The following CHMP7 variants were observed in gnomAD, a reference collection of about 807,000 sequenced individuals.
The protein encoded by CHMP7 is CHMP family, member 7.
CHMP7 carries 15 observed loss-of-function variants against 53.7 expected under a neutral mutation model. The ratio of observed to expected loss-of-function variants is 0.28; its 90% confidence interval spans 0.19 to 0.43. The LOEUF is 0.43. Ranked by LOEUF, CHMP7 falls within the 20% of genes least tolerant of loss-of-function variation. The probability of loss-of-function intolerance (pLI) is 1.00; values close to 1 mark genes in which losing one functional copy is unlikely to be tolerated. For missense variants in CHMP7, 527 were observed against 569.4 expected (o/e 0.93, Z 0.76); for synonymous variants, 261 against 228.0 (o/e 1.14, Z -1.30).
Position 23,246,760 on chromosome 8 carries a change from C to A in CHMP7, c.65C>A (p.Pro22His), listed in dbSNP as rs760790780. The change falls in exon 2 of 11, where the codon CCC (proline) becomes CAC (histidine). Residue 22 changes from proline to histidine, a missense_variant. Coordinates refer to ENST00000397677, the MANE Select transcript of CHMP7 (RefSeq NM_152272.5). ...GGAGACCCGGCGGGCCTTCTGCCCC[C>A]CGAGTGGGAGGAGGACGAGGAGCGC... ...AGGDPAGLLP[P>H]EWEEDEERMS... The A allele has an allele frequency of 5.8e-6, 9 of 1,557,810 alleles. No homozygotes were observed. Among genetic ancestry groups the A allele is most frequent in the Admixed American group, 3.9e-5 (2 of 51,632 alleles).
chr8:23,247,074 G>T, intron 2 of CHMP7, 80 bp downstream of exon 2: 1 of 1,331,144 alleles, frequency 7.5e-7, no homozygotes, highest in Non-Finnish European at 9.9e-7. Flanking sequence ...CCTGTTCTCT[G>T]CACAGCGCAC....
intron 7 of CHMP7, 119 bp from the exon 8 acceptor site, chr8:23,258,613 T>C: frequency 8.3e-7 from 1 of 1,199,242 alleles, no homozygotes; most frequent in Non-Finnish European, 1.2e-6. Flanking sequence ...GGGTATAGGG[T>C]AAATTGAGCT....
intron 2 of CHMP7, 72 bp downstream of exon 2, chr8:23,247,066 T>A: frequency 3.6e-6 from 5 of 1,392,706 alleles, no homozygotes; most frequent in Non-Finnish European, 4.7e-6. Context: ...GCCCTGGTCC[T>A]GTTCTCTGCA....
chr8:23,248,106 C>T (rs1047957011), intron 2 of CHMP7: 2 of 456,178 alleles, frequency 4.4e-6, no homozygotes, highest in South Asian at 1.5e-5. Flanking sequence ...AGCCACTGCA[C>T]CTGGCCAACG....
chr8:23,255,658 C>T (rs1030848675), intron 4 of CHMP7, among the ~76,000 whole-genome samples: 15 of 152,240 alleles, frequency 9.9e-5, no homozygotes, highest in African/African-American at 2.2e-4. Flanking sequence ...CGCCTGTATG[C>T]GCATCCCTGC....
chr8:23,251,672 T>C (rs540234750), intron 3 of CHMP7, among the ~76,000 whole-genome samples: 27 of 152,340 alleles, frequency 1.8e-4, no homozygotes, highest in Non-Finnish European at 3.1e-4. Context: ...TTGTTTTCTT[T>C]CCATTGCATT....
chr8:23,254,914 C>T (rs1260839688), intron 3 of CHMP7: 2 of 390,904 alleles, frequency 5.1e-6, no homozygotes, highest in South Asian at 2.3e-5. Flanking sequence ...CTCTCGTTCA[C>T]AGCTGTTCTA....
At chr8:23,252,899 C>T (rs1328506713) in intron 3 of CHMP7, among the ~76,000 whole-genome samples, 4 of 152,174 alleles carry the variant, frequency 2.6e-5, no homozygotes, top group African/African-American at 7.2e-5. Flanking sequence ...GCAGTTACTG[C>T]AGTGGTTGCA....
In CHMP7 at chr8:23,256,510, C is replaced by G; in HGVS notation, c.708C>G (p.Asp236Glu). The G allele has an allele frequency of 1.2e-6, 2 of 1,608,880 alleles. No homozygotes were observed. Among genetic ancestry groups the G allele is most frequent in the East Asian group, 4.5e-5 (2 of 44,840 alleles). The change falls in exon 5 of 11, where the codon GAC becomes GAG. Residue 236 changes from aspartate (D) to glutamate (E), a missense_variant. Asp to Glu is a conservative substitution (Grantham distance 45). Transcript: ENST00000397677. ...GPRAKVSPVN[D>E]VDVGVYQLMQ... ...GTGCCAAGGTCTCTCCAGTCAATGA[C>G]GTAGATGTTGGGGTGTACCAGCTGA...
chr8:23,258,580 C>A lies in CHMP7; in HGVS notation c.960+131C>A, dbSNP rs192390662. The stretch of plus-strand genomic sequence containing the variant: ...GTGGCTGGGGTTGCCTTTGCCTTTC[C>A]AGTCAGGAGGTTTGGCCTCGGTGGG... On this transcript the variant is annotated intron_variant, in intron 7 of 10. Transcript: ENST00000397677. 9 of 1,380,508 alleles carry A rather than the reference C, an allele frequency of 6.5e-6. No individual in the cohort carries two copies. In the East Asian group the frequency reaches 2.1e-4, roughly 32 times the overall value. The allele number at this position is 1,380,508 out of a possible 1,614,324, so 85.5% of individuals were successfully genotyped here.
chr8:23,246,692 T>G lies in CHMP7; in HGVS notation c.-4T>G, dbSNP rs901914209. The G allele has an allele frequency of 5.2e-6, 8 of 1,547,240 alleles. No homozygotes were observed. The highest frequency in any genetic ancestry group is 3.9e-5 in the Admixed American group (2 of 50,844). Reference sequence around the variant, plus strand: ...TTCGCAGCCTTGCCGGGGCTGGGGTTCCGATGTGGTCCCCGGAGCGGGAGG... The same window carrying G: ...TTCGCAGCCTTGCCGGGGCTGGGGTGCCGATGTGGTCCCCGGAGCGGGAGG... On this transcript the variant is annotated 5_prime_UTR_variant, in exon 2 of 11. Coordinates refer to ENST00000397677, the MANE Select transcript of CHMP7 (RefSeq NM_152272.5).
rs1585302228 is a variant in CHMP7, at chr8:23,246,972, A to G, written c.277A>G (p.Thr93Ala). Residue 93 changes from threonine (T) to alanine (A), a missense_variant, in exon 2 of 11, where the codon ACG becomes GCG. Transcript: ENST00000397677. Reference sequence around the variant, plus strand: ...GGGGAGCGTCCCGCTGGGGCTGGCCACGGTGCTGCAGGACCTGCTGCGGTG... The same window carrying G: ...GGGGAGCGTCCCGCTGGGGCTGGCCGCGGTGCTGCAGGACCTGCTGCGGTG... The part of the protein sequence containing the change: ...RKGSVPLGLA[T>A]VLQDLLRRGE... 1.3e-6 allele frequency: 2 copies of G among 1,540,776 alleles called. No individual in the cohort carries two copies. The highest frequency in any genetic ancestry group is 2.7e-5 in the African/African-American group (2 of 73,280).
chr8:23,257,071 C>T (rs746541486), intron 5 of CHMP7, among the ~76,000 whole-genome samples: 26 of 148,476 alleles, frequency 1.8e-4, no homozygotes, highest in Non-Finnish European at 3.4e-4. Context: ...GGATTACAGG[C>T]GTGAGCCACC....
chr8:23,258,469 C>T lies in CHMP7; in HGVS notation c.960+20C>T, dbSNP rs1483135411. On this transcript the variant is annotated intron_variant, in intron 7 of 10. Transcript: ENST00000397677. Reference sequence around the variant, plus strand: ...CAGATGGTAGTCACTCCCCTCTACTCCAGCACTTGGCTGGTCTCTCCGTGT... The same window carrying T: ...CAGATGGTAGTCACTCCCCTCTACTTCAGCACTTGGCTGGTCTCTCCGTGT... 6.8e-6 allele frequency: 11 copies of T among 1,613,604 alleles called. No homozygotes were observed. The highest frequency in any genetic ancestry group is 9.3e-6 in the Non-Finnish European group (11 of 1,179,940).
chr8:23,259,933 C>G (rs1359175722), intron 9 of CHMP7: 1 of 553,892 alleles, frequency 1.8e-6, no homozygotes, highest in Non-Finnish European at 3.2e-6. Flanking sequence ...ATGGTGTTAA[C>G]AGAATACACC....
At chr8:23,243,998 T>C (rs908443705) in intron 1 of CHMP7, among the ~76,000 whole-genome samples, 154 bp downstream of exon 1, 23 of 130,744 alleles carry the variant, frequency 1.8e-4, no homozygotes, top group African/African-American at 5.5e-4. Context: ...GGTTATTCTT[T>C]TTCTTTTTTT....
rs1299708878 is a variant in CHMP7 at position 23,255,143 on chromosome 8, CG to C, written c.472-101del. ...TTGGGGAGGATGGGGTTGGGATTCC[CG>C]GGTGCTTGCCTTGTGTGATCATGGT... On this transcript the variant is annotated intron_variant, in intron 3 of 10. Transcript: ENST00000397677. The C allele has an allele frequency of 4.3e-6, 5 of 1,171,070 alleles. No individual in the cohort carries two copies. In the East Asian group the frequency reaches 7.5e-5, roughly 18 times the overall value. The allele number at this position is 1,171,070 out of a possible 1,614,324, so 72.5% of individuals were successfully genotyped here. A position where few individuals can be genotyped will look rare whatever the true frequency, so the allele number is the denominator to read the frequency against.
At chr8:23,258,968 G>C in intron 8 of CHMP7, 98 bp from the exon 9 acceptor site, 1 of 1,052,524 alleles carries the variant, frequency 9.5e-7, no homozygotes, top group Non-Finnish European at 1.5e-6. Flanking sequence ...TTCTCACTTG[G>C]GGCAGGATTG....
chr8:23,256,624 C>T (rs1802136041), intron 5 of CHMP7, 31 bp downstream of exon 5: 2 of 1,602,514 alleles, frequency 1.2e-6, no homozygotes, highest in East Asian at 2.2e-5. Context: ...GAGCCTCCTC[C>T]CCACTGTTGC....
Sources: gnomAD v4.1 joint callset for allele counts (sites outside exome capture counted in the v4.1 genomes callset) on GRCh38, gnomAD v4.1.1 for gene constraint, MANE v1.5 for transcripts, NCBI Gene and HGNC (gene_info 2026-07-23, HGNC 2026-07-21) for gene names.